The following COL9A2 variants were observed in gnomAD, a reference collection of about 807,000 sequenced individuals.
The protein encoded by COL9A2 is collagen alpha-2(IX) chain.
Under a neutral mutation model 111.6 loss-of-function variants are expected in COL9A2, and 66 were observed. The ratio of observed to expected loss-of-function variants is 0.59; its 90% CI spans 0.48 to 0.73. COL9A2 has a LOEUF of 0.73. Ranked by LOEUF, COL9A2 falls within the 30% of genes least tolerant of loss-of-function variation. COL9A2 has a pLI of 0.00. For synonymous variants in COL9A2, 353 were observed against 364.1 expected, an observed-to-expected ratio of 0.97 and a Z score of 0.35; for missense variants, 881 against 954.1, an observed-to-expected ratio of 0.92 and a Z score of 1.01.
Position 40,305,747 on chromosome 1 carries a change from G to A in COL9A2, c.1075C>T (p.Leu359Phe). The change falls in exon 21 of 32, where the codon CTT (leucine) becomes TTT (phenylalanine). Residue 359 changes from leucine to phenylalanine, a missense_variant. Transcript: ENST00000372748. Reference protein sequence around the residue: ...GDQGEPGPQGLPGFSGPPGKE... With the variant: ...GDQGEPGPQGFPGFSGPPGKE... ...CCAGGGGGACCAGAGAATCCAGGAA[G>A]GCCCTGCGGGCCCGGCTCACCCTGC... 6.2e-7 allele frequency: 1 copy of A among 1,614,126 alleles called. No individual in the cohort carries two copies. The highest frequency in any genetic ancestry group is 8.5e-7 in the Non-Finnish European group (1 of 1,180,018).
rs370682522 is a variant in COL9A2, at chr1:40,304,831, C to A, written c.1124G>T (p.Arg375Leu). The A allele has an allele frequency of 1.2e-5, 19 of 1,550,672 alleles. No individual in the cohort carries two copies. The highest frequency in any genetic ancestry group is 1.7e-5 in the Non-Finnish European group (19 of 1,146,924). Reference sequence around the variant, plus strand: ...GATGCCCTGGGGACCAATTTCTCCTCGAGGCCCTGGCTCTCCCTGGAGGAA... The same window carrying A: ...GATGCCCTGGGGACCAATTTCTCCTAGAGGCCCTGGCTCTCCCTGGAGGAA... ...PPGKEGEPGPRGEIGPQGIMG... is the reference protein window; with the variant it reads ...PPGKEGEPGPLGEIGPQGIMG... The change falls in exon 22 of 32, where the codon CGA becomes CTA. Residue 375 changes from arginine (R) to leucine (L), a missense_variant. Coordinates refer to ENST00000372748, the MANE Select transcript of COL9A2 (RefSeq NM_001852.4).
rs1240103686 is a variant in COL9A2 at position 40,307,888 on chromosome 1, C to T, written c.901-132G>A. On this transcript the variant is annotated intron_variant, in intron 17 of 31. Transcript: ENST00000372748. This position sits in a 1 kb window ranked among gnomAD's most constrained non-coding sequence, Gnocchi z 4.8. ...GCTCTGGTCATCCCAGGAAGCCCCACTGGCCAACTGGGGGAGGGGAGTTGA... is the reference window on the plus strand; with the variant it reads ...GCTCTGGTCATCCCAGGAAGCCCCATTGGCCAACTGGGGGAGGGGAGTTGA... 11 of 940,018 alleles carry T rather than the reference C, an allele frequency of 1.2e-5. No homozygotes were observed. Among genetic ancestry groups the T allele is most frequent in the Non-Finnish European group, 1.7e-5 (10 of 594,846 alleles). The allele number at this position is 940,018 out of a possible 1,614,324, so 58.2% of individuals were successfully genotyped here.
Position 40,311,516 on chromosome 1 carries a change from C to A in COL9A2, c.503G>T (p.Gly168Val). Reference sequence around the variant, plus strand: ...GTCTCTCACCAGGAAATCCGCACTGCCTTCCAGACCCTGGATGGTTCCCGG... The same window carrying A: ...GTCTCTCACCAGGAAATCCGCACTGACTTCCAGACCCTGGATGGTTCCCGG... Reference protein sequence around the residue: ...GRPGTIQGLEGSADFLCPTNC... With the variant: ...GRPGTIQGLEVSADFLCPTNC... Residue 168 changes from glycine (G) to valine (V), a missense_variant, in exon 10 of 32, where the codon GGC becomes GTC. Physicochemically the swap from Gly to Val is moderately radical, Grantham distance 109. Transcript: ENST00000372748. This position sits in a 1 kb window ranked among gnomAD's most constrained non-coding sequence, Gnocchi z 5.1. 6.2e-7 allele frequency: 1 copy of A among 1,613,710 alleles called. No individual in the cohort carries two copies. Among genetic ancestry groups the A allele is most frequent in the Non-Finnish European group, 8.5e-7 (1 of 1,179,906 alleles).
chr1:40,315,495 G>A (rs1417291155), intron 2 of COL9A2, 95 bp downstream of exon 2: 2 of 1,464,762 alleles, frequency 1.4e-6, no homozygotes, highest in Non-Finnish European at 1.8e-6. Context: ...CTACATCTCC[G>A]GGCACCCCGA....
rs1024645624 is a variant in COL9A2 at position 40,307,599 on chromosome 1, G to A, written c.955-100C>T. 6.3e-7 allele frequency: 1 copy of A among 1,583,064 alleles called. No individual in the cohort carries two copies. The highest frequency in any genetic ancestry group is 1.7e-4 in the Middle Eastern group (1 of 6,004). The stretch of plus-strand genomic sequence containing the variant: ...TAGGGAAACTGAGATCCAGAGGCAA[G>A]AAAGGGCATGTCCATGACCTGAGGA... On this transcript the variant is annotated intron_variant, in intron 18 of 31. Transcript: ENST00000372748. This position sits in a 1 kb window ranked among gnomAD's most constrained non-coding sequence, Gnocchi z 4.8.
chr1:40,314,169 G>A lies in COL9A2; in HGVS notation c.249+36C>T. On this transcript the variant is annotated intron_variant, in intron 4 of 31. Coordinates refer to ENST00000372748, the MANE Select transcript of COL9A2 (RefSeq NM_001852.4). The surrounding 1 kb of genome is among the most constrained non-coding windows in gnomAD (Gnocchi z 4.1). ...CAGGCCCTGGAGGTCAATTGGCAGA[G>A]CCCTACCCTGCCCCACCCGACACTC... is the stretch of plus-strand genomic sequence containing the variant. 6.2e-7 allele frequency: 1 copy of A among 1,611,144 alleles called. No individual in the cohort carries two copies. The highest frequency in any genetic ancestry group is 8.5e-7 in the Non-Finnish European group (1 of 1,177,708).
rs886042644 is a variant in COL9A2 at position 40,311,538 on chromosome 1, C to T, written c.481G>A (p.Gly161Arg). ...CTGCCTTCCAGACCCTGGATGGTTC[C>T]CGGGCGACCCTGAGAGGAGACATGA... Reference protein sequence around the residue: ...PGPPGKPGRPGTIQGLEGSAD... With the variant: ...PGPPGKPGRPRTIQGLEGSAD... The change falls in exon 10 of 32, where the codon GGA becomes AGA. Residue 161 changes from glycine to arginine, a missense_variant. Gly to Arg is a moderately radical substitution (Grantham distance 125). Coordinates refer to ENST00000372748, the MANE Select transcript of COL9A2 (RefSeq NM_001852.4). The surrounding 1 kb of genome is among the most constrained non-coding windows in gnomAD (Gnocchi z 5.1). 1 of 1,613,952 alleles carries T rather than the reference C, an allele frequency of 6.2e-7. No individual in the cohort carries two copies. The highest frequency in any genetic ancestry group is 8.5e-7 in the Non-Finnish European group (1 of 1,179,964).
intron 16 of COL9A2, among the ~76,000 whole-genome samples, chr1:40,309,492 A>G (rs958956068): frequency 6.6e-6 from 1 of 150,650 alleles, no homozygotes; most frequent in African/African-American, 2.4e-5. Context: ...CATTAGCCCC[A>G]TGGCTGATTT....
rs1030392089 is a variant in COL9A2 at position 40,317,175 on chromosome 1, G to T, written c.23C>A (p.Pro8His). MAAATAS[P>H]RSLLVLLQVV... ...CTGGAGGAGAACAAGGAGGCTGCGG[G>T]GGGAGGCCGTAGCGGCGGCCATGGC... The change falls in exon 1 of 32, where the codon CCC (proline) becomes CAC (histidine). Residue 8 changes from proline (P) to histidine (H), a missense_variant. Pro to His is a moderately conservative substitution (Grantham distance 77, BLOSUM62 -2). Coordinates refer to ENST00000372748, the MANE Select transcript of COL9A2 (RefSeq NM_001852.4). This position sits in a 1 kb window ranked among gnomAD's most constrained non-coding sequence, Gnocchi z 4.3. 6.3e-7 allele frequency: 1 copy of T among 1,589,174 alleles called. No homozygotes were observed. The highest frequency in any genetic ancestry group is 1.1e-5 in the South Asian group (1 of 87,260).
Position 40,317,165 on chromosome 1 carries a change from G to T in COL9A2, c.33C>A (p.Leu11=). Reference sequence around the variant, plus strand: ...GCACTACCACCTGGAGGAGAACAAGGAGGCTGCGGGGGGAGGCCGTAGCGG... The same window carrying T: ...GCACTACCACCTGGAGGAGAACAAGTAGGCTGCGGGGGGAGGCCGTAGCGG... MAAATASPRS[L]LVLLQVVVLA... is the part of the protein sequence containing the mutation. Residue 11 remains leucine, a synonymous_variant, in exon 1 of 32, where the codon CTC becomes CTA. Coordinates refer to ENST00000372748, the MANE Select transcript of COL9A2 (RefSeq NM_001852.4). This position sits in a 1 kb window ranked among gnomAD's most constrained non-coding sequence, Gnocchi z 4.3. 1 of 1,589,778 alleles carries T rather than the reference G, an allele frequency of 6.3e-7. No individual in the cohort carries two copies. The highest frequency in any genetic ancestry group is 8.6e-7 in the Non-Finnish European group (1 of 1,168,346).
rs1424138843 is a variant in COL9A2, at chr1:40,303,804, C to T, written c.1401+3G>A. 1 of 1,564,410 alleles carries T rather than the reference C, an allele frequency of 6.4e-7. No individual in the cohort carries two copies. The highest frequency in any genetic ancestry group is 2.3e-5 in the East Asian group (1 of 42,656). On this transcript the variant is annotated splice_donor_region_variant and intron_variant, in intron 27 of 31. Coordinates refer to ENST00000372748, the MANE Select transcript of COL9A2 (RefSeq NM_001852.4). This position sits in a 1 kb window ranked among gnomAD's most constrained non-coding sequence, Gnocchi z 4.6. ...CGGAGAACGCCGGGAGGGGAGGACTCACCTGTCCCTTGGGCCCCGGCTCGC... is the reference window on the plus strand; with the variant it reads ...CGGAGAACGCCGGGAGGGGAGGACTTACCTGTCCCTTGGGCCCCGGCTCGC...
At position 40,302,979 on chromosome 1, in the gene COL9A2, A is replaced by C; in HGVS notation, c.1603+152T>G. ...GGAAGTCAAAGGCCCAGAGTGACTT[A>C]TTCAAGGTCCCAAAACCCTTCAGAG... On this transcript the variant is annotated intron_variant, in intron 29 of 31. Transcript: ENST00000372748. The surrounding 1 kb of genome is among the most constrained non-coding windows in gnomAD (Gnocchi z 4.5). 9.3e-7 allele frequency: 1 copy of C among 1,073,458 alleles called. No individual in the cohort carries two copies. The highest frequency in any genetic ancestry group is 2.1e-5 in the Admixed American group (1 of 47,860). The allele number at this position is 1,073,458 out of a possible 1,614,324, so 66.5% of individuals were successfully genotyped here.
chr1:40,315,457 CGGCGCCGCCTATTGGCGACGAGG>C, intron 2 of COL9A2, 110 bp downstream of exon 2: 6 of 1,458,840 alleles, frequency 4.1e-6, no homozygotes, highest in Non-Finnish European at 5.4e-6. Context: ...TGGTGCGGGC[CGGCGCCGCCTATTGGCGACGAGG>C]GGCACTACAT....
intron 16 of COL9A2, among the ~76,000 whole-genome samples, chr1:40,309,214 T>C (rs1013308685): frequency 6.6e-6 from 1 of 152,056 alleles, no homozygotes; most frequent in Non-Finnish European, 1.5e-5. Context: ...CACTCCAGCC[T>C]GGGCAACAAG....
At position 40,300,964 on chromosome 1, in the gene COL9A2, A is replaced by G. The variant is rs1643905742; in HGVS notation, c.*218T>C. 1 of 560,752 alleles carries G rather than the reference A, an allele frequency of 1.8e-6. No individual in the cohort carries two copies. The highest frequency in any genetic ancestry group is 1.9e-5 in the African/African-American group (1 of 53,188). The allele number at this position is 560,752 out of a possible 1,614,324, so 34.7% of individuals were successfully genotyped here. A position where few individuals can be genotyped will look rare whatever the true frequency, so the allele number is the denominator to read the frequency against. ...CCTTCAGCGCTTCGACTCCATCGAC[A>G]CCACTTGCCCTGTGTGTTGGCCTCA... On this transcript the variant is annotated 3_prime_UTR_variant, in exon 32 of 32. Transcript: ENST00000372748. The surrounding 1 kb of genome is among the most constrained non-coding windows in gnomAD (Gnocchi z 4.4).
chr1:40,315,029 G>A (rs1018276067), intron 2 of COL9A2, among the ~76,000 whole-genome samples: 1 of 152,154 alleles, frequency 6.6e-6, no homozygotes, highest in Non-Finnish European at 1.5e-5. Context: ...CTGTGTTTGG[G>A]GGGTGGGGGC....
chr1:40,307,499 C>A lies in COL9A2; in HGVS notation c.955G>T (p.Gly319Cys). 1 of 1,614,168 alleles carries A rather than the reference C, an allele frequency of 6.2e-7. No individual in the cohort carries two copies. The highest frequency in any genetic ancestry group is 8.5e-7 in the Non-Finnish European group (1 of 1,179,994). ...DGTPGTPGMK[G>C]SAGQAGQPGS... is the part of the protein sequence containing the mutation. ...GGCTGTCCCGCCTGTCCTGCACTGC[C>A]CTGGGATAGACAGATAACCAAAGAT... The change falls in exon 19 of 32, where the codon GGC becomes TGC. Residue 319 changes from glycine (G) to cysteine (C), a missense_variant and splice_region_variant. Coordinates refer to ENST00000372748, the MANE Select transcript of COL9A2 (RefSeq NM_001852.4). The surrounding 1 kb of genome is among the most constrained non-coding windows in gnomAD (Gnocchi z 4.8).
At chr1:40,308,144 G>T (rs768843610) in intron 17 of COL9A2, 48 bp downstream of exon 17, 1 of 1,578,370 alleles carries the variant, frequency 6.3e-7, no homozygotes, top group South Asian at 1.1e-5. Flanking sequence ...GGACAAAGCA[G>T]CTGGGCCCTG....
rs1460653528 is a variant in COL9A2 at position 40,303,896 on chromosome 1, G to C, written c.1368+32C>G. 2 of 1,549,860 alleles carry C rather than the reference G, an allele frequency of 1.3e-6. No individual in the cohort carries two copies. Among genetic ancestry groups the C allele is most frequent in the Non-Finnish European group, 1.7e-6 (2 of 1,146,696 alleles). ...CGCGGGGACCCCGGGGCCAGCCGCC[G>C]CTCCCCGCCCTTCCCTAGGCCGCGC... On this transcript the variant is annotated intron_variant, in intron 26 of 31. Transcript: ENST00000372748. The surrounding 1 kb of genome is among the most constrained non-coding windows in gnomAD (Gnocchi z 4.6).
Sources: gnomAD v4.1 joint callset for allele counts (sites outside exome capture counted in the v4.1 genomes callset) on GRCh38, gnomAD v4.1.1 for gene constraint, Gnocchi (gnomAD v3.1) non-coding constraint, MANE v1.5 for transcripts, NCBI Gene and HGNC (gene_info 2026-07-23, HGNC 2026-07-21) for gene names.